The following TBL1XR1 variants were observed in gnomAD, a reference collection of about 807,000 sequenced individuals.
TBL1XR1 encodes F-box-like/WD repeat-containing protein TBL1XR1.
TBL1XR1 carries 5 observed loss-of-function variants against 66.9 expected under a neutral mutation model. The ratio of observed to expected loss-of-function variants is 0.07; its 90% CI spans 0.04 to 0.16. The LOEUF (loss-of-function observed/expected upper bound fraction) is 0.16, where lower values mean the gene tolerates loss of function less well. Among genes scored for constraint, TBL1XR1 ranks in the 10% least tolerant of loss-of-function variants. The pLI is 1.00. For missense variants in TBL1XR1, 238 were observed against 623.2 expected (o/e 0.38, Z 6.58); for synonymous variants, 210 against 206.0 (o/e 1.02, Z -0.17).
intron 1 of TBL1XR1, among the ~76,000 whole-genome samples, chr3:177,157,512 C>T (rs1281275509): frequency 6.6e-6 from 1 of 152,178 alleles, no homozygotes; most frequent in East Asian, 1.9e-4. Flanking sequence ...CAATTCAGAA[C>T]ACTCTGGGTT....
chr3:177,159,524 A>C (rs2108883108), intron 1 of TBL1XR1, among the ~76,000 whole-genome samples: 1 of 152,256 alleles, frequency 6.6e-6, no homozygotes, highest in Non-Finnish European at 1.5e-5. Context: ...CAAGACACAA[A>C]ATTCTCATCA....
chr3:177,069,106 T>C (rs1719540469), intron 2 of TBL1XR1, among the ~76,000 whole-genome samples: 1 of 152,176 alleles, frequency 6.6e-6, no homozygotes, highest in Admixed American at 6.5e-5. Flanking sequence ...CTCTGTGTCA[T>C]CTATAAAATG....
intron 1 of TBL1XR1, among the ~76,000 whole-genome samples, chr3:177,170,656 G>T (rs1015316762): frequency 6.6e-6 from 1 of 152,100 alleles, no homozygotes; most frequent in African/African-American, 2.4e-5. Context: ...GTTGTTTTGG[G>T]ACAGGGTCTC....
intron 1 of TBL1XR1, among the ~76,000 whole-genome samples, chr3:177,112,108 T>TATATATATATATATATATATA (rs1553846589): frequency 4.5e-4 from 16 of 35,674 alleles, no homozygotes; most frequent in Admixed American, 1.1e-3. Flanking sequence ...TATATATATA[T>TATATATATATATATATATATA]TTTTTTTTTT....
chr3:177,122,418 A>G (rs1481936585), intron 1 of TBL1XR1, among the ~76,000 whole-genome samples: 2 of 152,140 alleles, frequency 1.3e-5, no homozygotes, highest in East Asian at 1.9e-4. Context: ...GAAGTTCAGC[A>G]TGTACCCTGA....
At chr3:177,153,197 A>C (rs535388222) in intron 1 of TBL1XR1, among the ~76,000 whole-genome samples, 1 of 152,302 alleles carries the variant, frequency 6.6e-6, no homozygotes, top group East Asian at 1.9e-4. Context: ...TTCTATACTC[A>C]GTGAATATAT....
At chr3:177,138,245 T>C (rs140792747) in intron 1 of TBL1XR1, among the ~76,000 whole-genome samples, 1 of 152,314 alleles carries the variant, frequency 6.6e-6, no homozygotes, top group African/African-American at 2.4e-5. Context: ...TGAACAGAGA[T>C]GCTGATTGGT....
chr3:177,142,412 G>A (rs74431105), intron 1 of TBL1XR1, among the ~76,000 whole-genome samples: 6,178 of 152,238 alleles, frequency 0.041, 195 homozygotes, highest in Non-Finnish European at 0.058. Flanking sequence ...GTGGGGTAAC[G>A]TCTAGGTTGT....
intron 4 of TBL1XR1, among the ~76,000 whole-genome samples, chr3:177,052,546 A>T (rs1717235984): frequency 6.6e-6 from 1 of 152,204 alleles, no homozygotes; most frequent in African/African-American, 2.4e-5. Flanking sequence ...AAGATACTAA[A>T]CCCAACACAG....
intron 1 of TBL1XR1, among the ~76,000 whole-genome samples, chr3:177,189,123 G>A (rs1299779238): frequency 2.0e-5 from 3 of 151,998 alleles, no homozygotes; most frequent in East Asian, 1.9e-4. Context: ...CAGTAGAATC[G>A]CTTGAACCCA....
intron 1 of TBL1XR1, among the ~76,000 whole-genome samples, chr3:177,153,465 AGT>A (rs1560235231): frequency 6.6e-6 from 1 of 152,254 alleles, no homozygotes; most frequent in African/African-American, 2.4e-5. Context: ...AATAATATCC[AGT>A]GTTTACAGCA....
At position 177,075,551 on chromosome 3, in the gene TBL1XR1, T is replaced by C. The variant is rs546663796; in HGVS notation, c.-45-10529A>G. 7.2e-5 allele frequency among the ~76,000 whole-genome samples: 11 copies of C among 152,322 alleles called. No individual in the cohort carries two copies. The South Asian group carries it at 2.1e-3, about 29-fold the overall frequency. ...GTGTGGTTCAATACAGATTTCCATC[T>C]TAGAAAGAACTAACTCAAGTATATT... is the stretch of plus-strand genomic sequence containing the variant. On this transcript the variant is annotated intron_variant, in intron 2 of 15. Transcript: ENST00000457928.
Position 177,053,646 on chromosome 3 carries a change from T to C in TBL1XR1, c.204+127A>G, listed in dbSNP as rs1008499398. 1.0e-5 allele frequency: 9 copies of C among 884,352 alleles called. 1 individual carries two copies. Among genetic ancestry groups the C allele is most frequent in the Non-Finnish European group, 1.6e-5 (9 of 576,178 alleles). 54.8% of individuals were successfully genotyped at this position (884,352 alleles called of 1,614,324 possible). A position where few individuals can be genotyped will look rare whatever the true frequency, so the allele number is the denominator to read the frequency against. ...TGCAACCTGACTACCACATTAGGGA[T>C]GAACTGCCTGCACTTTTGTTAACCC... On this transcript the variant is annotated intron_variant, in intron 4 of 15. Transcript: ENST00000457928.
intron 3 of TBL1XR1, among the ~76,000 whole-genome samples, chr3:177,059,369 T>C (rs1364855239): frequency 6.6e-6 from 1 of 152,186 alleles, no homozygotes; most frequent in Non-Finnish European, 1.5e-5. Context: ...AAAAAATGAA[T>C]GAATGAGCTA....
In TBL1XR1 at chr3:177,038,304, G is replaced by T; in HGVS notation, c.1047+9C>A. ...ATGACCACTTTAATGTGGAAAAAAGGTTTCTTACCGTATGTCCTTGGAATG... is the reference window on the plus strand; with the variant it reads ...ATGACCACTTTAATGTGGAAAAAAGTTTTCTTACCGTATGTCCTTGGAATG... On this transcript the variant is annotated intron_variant, in intron 11 of 15. Transcript: ENST00000457928. 1.9e-6 allele frequency: 3 copies of T among 1,594,364 alleles called. No homozygotes were observed. Among genetic ancestry groups the T allele is most frequent in the Non-Finnish European group, 2.6e-6 (3 of 1,169,420 alleles).
At chr3:177,098,741 A>G (rs774352814) in intron 1 of TBL1XR1, among the ~76,000 whole-genome samples, 200 bp from the exon 2 acceptor site, 6 of 152,200 alleles carry the variant, frequency 3.9e-5, no homozygotes, top group Non-Finnish European at 8.8e-5. Context: ...TAGAACGTTC[A>G]TAAGAGGTTG....
At chr3:177,108,851 T>C (rs184841540) in intron 1 of TBL1XR1, among the ~76,000 whole-genome samples, 1 of 151,998 alleles carries the variant, frequency 6.6e-6, no homozygotes, top group Non-Finnish European at 1.5e-5. Flanking sequence ...CCAGAGCAAA[T>C]AGAAGGAAGG....
At chr3:177,136,915 C>T (rs981288344) in intron 1 of TBL1XR1, among the ~76,000 whole-genome samples, 17 of 152,096 alleles carry the variant, frequency 1.1e-4, no homozygotes, top group Admixed American at 1.0e-3. Flanking sequence ...GTTTTCTGAC[C>T]GTTGTCATGA....
At chr3:177,049,838 A>G (rs569098582) in intron 7 of TBL1XR1, among the ~76,000 whole-genome samples, 159 bp downstream of exon 7, 7 of 152,116 alleles carry the variant, frequency 4.6e-5, no homozygotes, top group African/African-American at 1.7e-4. Flanking sequence ...TGTGTCCCAC[A>G]GTGGGGGAGA....
Sources: gnomAD v4.1 joint callset for allele counts (sites outside exome capture counted in the v4.1 genomes callset) on GRCh38, gnomAD v4.1.1 for gene constraint, MANE v1.5 for transcripts, NCBI Gene and HGNC (gene_info 2026-07-23, HGNC 2026-07-21) for gene names.